The following DLG2 variants were observed in gnomAD, a reference collection of about 807,000 sequenced individuals.
DLG2 encodes discs large MAGUK scaffold protein 2, also known as disks large homolog 2.
In DLG2, 45 loss-of-function variants were observed where a neutral mutation model predicts 132.5. The ratio of observed to expected loss-of-function variants is 0.34; its 90% confidence interval spans 0.27 to 0.44. The LOEUF is 0.44. Among genes scored for constraint, DLG2 ranks in the 20% least tolerant of loss-of-function variants. The pLI is 1.00. For missense variants in DLG2, 1,045 were observed against 1,196.9 expected, an observed-to-expected ratio of 0.87 and a Z score of 1.87; for synonymous variants, 424 against 419.6, an observed-to-expected ratio of 1.01 and a Z score of -0.13.
intron 6 of DLG2, among the ~76,000 whole-genome samples, chr11:84,863,906 G>C (rs2084150441): frequency 6.6e-6 from 1 of 152,108 alleles, no homozygotes; most frequent in South Asian, 2.1e-4. Context: ...AATGGATACA[G>C]CTCCATGTCT....
At chr11:84,599,009 CA>C (rs2099569776) in intron 6 of DLG2, among the ~76,000 whole-genome samples, 1 of 151,968 alleles carries the variant, frequency 6.6e-6, no homozygotes, top group African/African-American at 2.4e-5. Flanking sequence ...CTTTGGGAGG[CA>C]AAGGTGGGTA....
At chr11:83,683,691 A>G (rs932469800) in intron 18 of DLG2, among the ~76,000 whole-genome samples, 1 of 152,012 alleles carries the variant, frequency 6.6e-6, no homozygotes, top group African/African-American at 2.4e-5. Context: ...TATAGTATGT[A>G]CCCCCAAATG....
chr11:84,701,557 T>A (rs1596030364), intron 6 of DLG2, among the ~76,000 whole-genome samples: 1 of 151,564 alleles, frequency 6.6e-6, no homozygotes, highest in South Asian at 2.1e-4. Context: ...AATACCCTAC[T>A]CTCTCAGACT....
At chr11:85,134,255 CTTT>C (rs575257650) in intron 5 of DLG2, among the ~76,000 whole-genome samples, 23 of 145,568 alleles carry the variant, frequency 1.6e-4, no homozygotes, top group African/African-American at 4.5e-4. Flanking sequence ...CCACCACCCT[CTTT>C]TTTTTTTTTC....
intron 16 of DLG2, among the ~76,000 whole-genome samples, chr11:83,850,758 T>C (rs1421138716): frequency 6.6e-6 from 1 of 152,140 alleles, no homozygotes. Context: ...TTAACCAAGG[T>C]TTGGCCAGCA....
chr11:85,413,237 A>G (rs866081409), intron 3 of DLG2, among the ~76,000 whole-genome samples: 1 of 151,786 alleles, frequency 6.6e-6, no homozygotes, highest in Non-Finnish European at 1.5e-5. Flanking sequence ...TCATGTCCTT[A>G]GCCCACTTTT....
chr11:85,581,648 C>CA (rs2078532525), intron 3 of DLG2, among the ~76,000 whole-genome samples: 1 of 151,738 alleles, frequency 6.6e-6, no homozygotes, highest in South Asian at 2.1e-4. Flanking sequence ...AAACAAACAA[C>CA]AAAAAAAGAG....
chr11:85,524,617 C>T (rs1022775400), intron 3 of DLG2, among the ~76,000 whole-genome samples: 1 of 152,048 alleles, frequency 6.6e-6, no homozygotes, highest in Non-Finnish European at 1.5e-5. Context: ...CTCAGCTTCC[C>T]GAGTAGCTGA....
At chr11:85,550,215 C>A (rs911078090) in intron 3 of DLG2, among the ~76,000 whole-genome samples, 2 of 152,226 alleles carry the variant, frequency 1.3e-5, no homozygotes, top group African/African-American at 4.8e-5. Flanking sequence ...CATACTGGCC[C>A]TTTGCCCTCA....
At chr11:84,688,997 TCA>T (rs1338726616) in intron 6 of DLG2, among the ~76,000 whole-genome samples, 27 of 152,186 alleles carry the variant, frequency 1.8e-4, no homozygotes, top group Non-Finnish European at 5.9e-5. Flanking sequence ...AGGCCTTCCT[TCA>T]CAGTGCTGTT....
chr11:84,349,609 A>G (rs903757491), intron 7 of DLG2, among the ~76,000 whole-genome samples: 2 of 152,222 alleles, frequency 1.3e-5, no homozygotes, highest in African/African-American at 4.8e-5. Flanking sequence ...AACATGACCC[A>G]TGTGCCATAG....
chr11:84,257,271 C>T (rs1401649001), intron 7 of DLG2, among the ~76,000 whole-genome samples: 7 of 152,112 alleles, frequency 4.6e-5, no homozygotes, highest in African/African-American at 9.7e-5. Flanking sequence ...TCCTTCTTTT[C>T]CACAATCTTT....
chr11:84,631,528 C>A (rs1285558965), intron 6 of DLG2, among the ~76,000 whole-genome samples: 3 of 151,988 alleles, frequency 2.0e-5, no homozygotes, highest in African/African-American at 7.3e-5. Flanking sequence ...ATAAAGTGTC[C>A]TTATAGAGAT....
rs66514406 is a variant in DLG2, at chr11:83,561,883, CT to C, written c.1941-20026del. Among the ~76,000 whole-genome samples, 130 of 87,928 alleles carry C rather than the reference CT, an allele frequency of 1.5e-3. No homozygotes were observed. The Middle Eastern group carries it at 0.024, about 16-fold the overall frequency. The allele number at this position is 87,928 out of a possible 152,430, so 57.7% of individuals were successfully genotyped here. ...GCAAAGTTTGACTTAGTATTTCTTT[CT>C]TTTTTTTTTTTTTTTTTTTTTTTGA... On this transcript the variant is annotated intron_variant, in intron 19 of 27. Coordinates refer to ENST00000376104, the MANE Select transcript of DLG2 (RefSeq NM_001142699.3).
intron 7 of DLG2, among the ~76,000 whole-genome samples, chr11:84,262,621 G>A (rs186110445): frequency 5.8e-4 from 88 of 151,960 alleles, no homozygotes; most frequent in African/African-American, 2.1e-3. Context: ...TTTCGTGCAC[G>A]CATCACTCGA....
At chr11:85,409,574 A>T (rs991701377) in intron 3 of DLG2, among the ~76,000 whole-genome samples, 2 of 151,892 alleles carry the variant, frequency 1.3e-5, no homozygotes, top group African/African-American at 4.8e-5. Flanking sequence ...GGAAGGAAAG[A>T]GTTTTAGCAT....
intron 7 of DLG2, among the ~76,000 whole-genome samples, chr11:84,281,332 T>C (rs1339948841): frequency 1.3e-5 from 2 of 152,092 alleles, no homozygotes; most frequent in Non-Finnish European, 2.9e-5. Flanking sequence ...CTTTAAAAAA[T>C]ATTGTTAAGA....
chr11:85,109,814 A>G (rs1183685849), intron 6 of DLG2, among the ~76,000 whole-genome samples: 1 of 152,108 alleles, frequency 6.6e-6, no homozygotes, highest in African/African-American at 2.4e-5. Context: ...AATTTCTGAA[A>G]ACACACGTTC....
At position 85,524,651 on chromosome 11, in the gene DLG2, T is replaced by C. The variant is rs550139371; in HGVS notation, c.40+74006A>G. 2.7e-4 allele frequency among the ~76,000 whole-genome samples: 41 copies of C among 152,138 alleles called. No individual in the cohort carries two copies. The South Asian group carries it at 8.3e-3, about 31-fold the overall frequency. On this transcript the variant is annotated intron_variant, in intron 3 of 27. Transcript: ENST00000376104. ...GAGACTACAGTCTCGCACTGCCACATTCGACTAATTTTGTTTATTTTTTGT... is the reference window on the plus strand; with the variant it reads ...GAGACTACAGTCTCGCACTGCCACACTCGACTAATTTTGTTTATTTTTTGT...
Sources: allele counts gnomAD v4.1 joint callset (sites outside exome capture counted in the v4.1 genomes callset), GRCh38; gene constraint gnomAD v4.1.1; transcripts MANE v1.5; gene names NCBI Gene and HGNC (gene_info 2026-07-23, HGNC 2026-07-21).